The following FUT8 variants were observed in gnomAD, a reference collection of about 807,000 sequenced individuals.
FUT8 encodes the protein fucosyltransferase 8, also known as alpha-(1,6)-fucosyltransferase.
In FUT8, 29 loss-of-function variants were observed where a neutral mutation model predicts 71.3. That is an observed-to-expected ratio of 0.41 (90% CI 0.30 to 0.55). The LOEUF (loss-of-function observed/expected upper bound fraction) is 0.55. Ranked by LOEUF, FUT8 falls within the 20% of genes least tolerant of loss-of-function variation. The pLI, the probability that FUT8 is intolerant of heterozygous loss-of-function variation, is 0.34. For synonymous variants in FUT8, 254 were observed against 239.3 expected, an observed-to-expected ratio of 1.06 and a Z score of -0.57; for missense variants, 544 against 702.1, an observed-to-expected ratio of 0.77 and a Z score of 2.55.
chr14:65,717,579 C>T (rs147942930), intron 7 of FUT8, among the ~76,000 whole-genome samples: 2,582 of 141,402 alleles, frequency 0.018, 71 homozygotes, highest in African/African-American at 0.065. Context: ...CGGGCAGAGA[C>T]GCTCCTCACC....
At chr14:65,469,549 G>A (rs2066104088) in intron 2 of FUT8, among the ~76,000 whole-genome samples, 1 of 152,222 alleles carries the variant, frequency 6.6e-6, no homozygotes. Flanking sequence ...GAAGAATTAT[G>A]TATGCAGACA....
chr14:65,468,888 C>G (rs2066090005), intron 2 of FUT8, among the ~76,000 whole-genome samples: 1 of 151,988 alleles, frequency 6.6e-6, no homozygotes, highest in South Asian at 2.1e-4. Flanking sequence ...GTCTTGAACT[C>G]CTAGGCTCAA....
chr14:65,523,248 T>G (rs1429975530), intron 2 of FUT8, among the ~76,000 whole-genome samples: 1 of 152,214 alleles, frequency 6.6e-6, no homozygotes, highest in Admixed American at 6.5e-5. Flanking sequence ...GTTTCCTGAC[T>G]TTTTAATGAC....
chr14:65,480,540 C>G (rs1364517494), intron 2 of FUT8, among the ~76,000 whole-genome samples: 2 of 151,870 alleles, frequency 1.3e-5, no homozygotes, highest in Non-Finnish European at 2.9e-5. Context: ...GTTTCAATCT[C>G]CTGGGCTCAA....
intron 3 of FUT8, among the ~76,000 whole-genome samples, chr14:65,579,811 ATG>A (rs750261421): frequency 2.4e-4 from 37 of 152,154 alleles, no homozygotes; most frequent in Non-Finnish European, 4.6e-4. Flanking sequence ...ATTTCTTGCT[ATG>A]CCGTAATCCT....
chr14:65,705,069 A>G (rs1894493135), intron 7 of FUT8, among the ~76,000 whole-genome samples: 1 of 152,218 alleles, frequency 6.6e-6, no homozygotes. Flanking sequence ...TATGTTTCAT[A>G]TGATTCAATT....
chr14:65,389,652 G>A, the FUT8 span, among the ~76,000 whole-genome samples: 216 of 151,710 alleles, frequency 1.4e-3, no homozygotes, highest in African/African-American at 4.6e-3. Flanking sequence ...TGGGGTTTTT[G>A]CCTTATTGCC....
intron 2 of FUT8, among the ~76,000 whole-genome samples, chr14:65,465,929 C>A (rs181307423): frequency 6.6e-6 from 1 of 152,170 alleles, no homozygotes; most frequent in African/African-American, 2.4e-5. Context: ...TTTTATTATA[C>A]CTTATGTATT....
chr14:65,718,755 G>GA (rs1895256602), intron 7 of FUT8, among the ~76,000 whole-genome samples: 1 of 151,958 alleles, frequency 6.6e-6, no homozygotes, highest in Non-Finnish European at 1.5e-5. Flanking sequence ...TAGGGTAAAA[G>GA]TTTTTTTTCC....
At chr14:65,623,566 A>G (rs533119421) in intron 5 of FUT8, among the ~76,000 whole-genome samples, 1 of 152,180 alleles carries the variant, frequency 6.6e-6, no homozygotes, top group South Asian at 2.1e-4. Flanking sequence ...AAATACAAAA[A>G]AAGCTCGTCA....
chr14:65,459,630 C>T (rs1010956328), intron 2 of FUT8, among the ~76,000 whole-genome samples: 1 of 152,276 alleles, frequency 6.6e-6, no homozygotes, highest in East Asian at 1.9e-4. Context: ...GAACCCTACA[C>T]TGCAATGTCT....
intron 1 of FUT8, among the ~76,000 whole-genome samples, chr14:65,418,194 A>G (rs2065245032): frequency 1.3e-5 from 2 of 152,166 alleles, no homozygotes; most frequent in African/African-American, 4.8e-5. Context: ...CTGATTGTAA[A>G]CTTGAACAAA....
intron 2 of FUT8, among the ~76,000 whole-genome samples, chr14:65,501,653 G>C (rs2066647130): frequency 6.6e-6 from 1 of 152,186 alleles, no homozygotes; most frequent in East Asian, 1.9e-4. Context: ...GTATTACAAA[G>C]ATGAGTATTA....
At chr14:65,370,499 C>T in the FUT8 span, among the ~76,000 whole-genome samples, 177 of 151,498 alleles carry the variant, frequency 1.2e-3, no homozygotes, top group African/African-American at 4.2e-3. Context: ...TGAGCCATTG[C>T]GCCCGGCCAC....
chr14:65,665,347 T>C (rs916732659), intron 6 of FUT8, among the ~76,000 whole-genome samples: 5 of 152,202 alleles, frequency 3.3e-5, no homozygotes, highest in African/African-American at 1.2e-4. Flanking sequence ...ATGAACTGTT[T>C]TACTTTTTTC....
rs1895442978 is a variant in FUT8, at chr14:65,722,034, T to C, written c.1082+13T>C. On this transcript the variant is annotated intron_variant, in intron 8 of 10. Transcript: ENST00000673929. Reference sequence around the variant, plus strand: ...ATCCAGTTATTGGGTAAGAATCTGATTTTTTCCCTCAAACTGTGATATGTA... The same window carrying C: ...ATCCAGTTATTGGGTAAGAATCTGACTTTTTCCCTCAAACTGTGATATGTA... 1.9e-6 allele frequency: 3 copies of C among 1,612,646 alleles called. No individual in the cohort carries two copies. The highest frequency in any genetic ancestry group is 1.3e-5 in the African/African-American group (1 of 74,756).
At chr14:65,708,861 T>G (rs1257053350) in intron 7 of FUT8, among the ~76,000 whole-genome samples, 1 of 151,912 alleles carries the variant, frequency 6.6e-6, no homozygotes, top group African/African-American at 2.4e-5. Context: ...TGGGAGGGGA[T>G]GGGGAAAGGA....
intron 7 of FUT8, among the ~76,000 whole-genome samples, chr14:65,710,788 A>G (rs1894776783): frequency 6.6e-6 from 1 of 152,226 alleles, no homozygotes; most frequent in African/African-American, 2.4e-5. Flanking sequence ...TGAGTAATTT[A>G]TAACAAAAAA....
At chr14:65,708,850 G>A (rs1237001911) in intron 7 of FUT8, among the ~76,000 whole-genome samples, 1 of 152,164 alleles carries the variant, frequency 6.6e-6, no homozygotes, top group African/African-American at 2.4e-5. Flanking sequence ...GGGGGATGGT[G>A]TGGGAGGGGA....
Sources: allele counts gnomAD v4.1 joint callset (sites outside exome capture counted in the v4.1 genomes callset), GRCh38; gene constraint gnomAD v4.1.1; transcripts MANE v1.5; gene names NCBI Gene and HGNC (gene_info 2026-07-23, HGNC 2026-07-21).